The following NAP1L4 variants were observed in gnomAD, a reference collection of about 807,000 sequenced individuals.
NAP1L4 encodes nucleosome assembly protein 1-like 4.
Under a neutral mutation model 58.2 loss-of-function variants are expected in NAP1L4, and 15 were observed. The observed-to-expected ratio is 0.26, with a 90% CI of 0.17 to 0.40. NAP1L4 has a LOEUF of 0.40. Ranked by LOEUF, NAP1L4 falls within the 10% of genes least tolerant of loss-of-function variation. NAP1L4 has a pLI of 1.00. For missense variants in NAP1L4, 384 were observed against 451.1 expected, an observed-to-expected ratio of 0.85 and a Z score of 1.35; for synonymous variants, 171 against 155.6, an observed-to-expected ratio of 1.10 and a Z score of -0.74.
At chr11:2,985,775 A>C (rs1284495487) in intron 1 of NAP1L4, among the ~76,000 whole-genome samples, 1 of 152,236 alleles carries the variant, frequency 6.6e-6, no homozygotes, top group Non-Finnish European at 1.5e-5. Flanking sequence ...TAAGTTTTCT[A>C]AAGTTCAGGT....
chr11:2,954,791 G>C lies in NAP1L4; in HGVS notation c.916-145C>G, dbSNP rs1334900272. The stretch of plus-strand genomic sequence containing the variant: ...CTGCACTGCTGGGGGACAGCCACTA[G>C]ACACTCAAAGCCCCTTTAAAACAAC... On this transcript the variant is annotated intron_variant, in intron 11 of 15. Coordinates refer to ENST00000380542, the MANE Select transcript of NAP1L4 (RefSeq NM_005969.4). This position sits in a 1 kb window ranked among gnomAD's most constrained non-coding sequence, Gnocchi z 4.8. 2.9e-6 allele frequency: 3 copies of C among 1,024,684 alleles called. No individual in the cohort carries two copies. Among genetic ancestry groups the C allele is most frequent in the Non-Finnish European group, 4.4e-6 (3 of 678,874 alleles). The allele number at this position is 1,024,684 out of a possible 1,614,324, so 63.5% of individuals were successfully genotyped here. A position where few individuals can be genotyped will look rare whatever the true frequency, so the allele number is the denominator to read the frequency against.
intron 8 of NAP1L4, 187 bp from the exon 9 acceptor site, chr11:2,960,096 C>A: frequency 1.7e-6 from 1 of 589,970 alleles, no homozygotes; most frequent in Non-Finnish European, 3.0e-6. Flanking sequence ...GATGGACTGG[C>A]GGGAAATATC....
chr11:2,984,990 T>C (rs1007611064), intron 1 of NAP1L4, among the ~76,000 whole-genome samples: 3 of 152,244 alleles, frequency 2.0e-5, no homozygotes, highest in Non-Finnish European at 4.4e-5. Flanking sequence ...TGATCAGGTA[T>C]CTTGGGGATG....
At position 2,955,843 on chromosome 11, in the gene NAP1L4, C is replaced by T; in HGVS notation, c.893-77G>A. ...ATTTTAAAGCCCACACAGGAGGAAG[C>T]TGTGCTGGTAGATAAAATGTAACAT... is the stretch of plus-strand genomic sequence containing the variant. On this transcript the variant is annotated intron_variant, in intron 10 of 15. Transcript: ENST00000380542. This position sits in a 1 kb window ranked among gnomAD's most constrained non-coding sequence, Gnocchi z 4.2. 1 of 1,331,086 alleles carries T rather than the reference C, an allele frequency of 7.5e-7. No homozygotes were observed. The highest frequency in any genetic ancestry group is 1.1e-6 in the Non-Finnish European group (1 of 937,428). The allele number at this position is 1,331,086 out of a possible 1,614,324, so 82.5% of individuals were successfully genotyped here. A position where few individuals can be genotyped will look rare whatever the true frequency, so the allele number is the denominator to read the frequency against.
At chr11:2,952,770 A>C (rs1021694372) in intron 12 of NAP1L4, 1 of 152,300 alleles carries the variant, frequency 6.6e-6, no homozygotes, top group Admixed American at 6.5e-5. Flanking sequence ...GCCTATTCCA[A>C]GGCTCTAAGG....
intron 8 of NAP1L4, among the ~76,000 whole-genome samples, chr11:2,960,809 T>C (rs992298812): frequency 1.1e-4 from 16 of 152,326 alleles, no homozygotes; most frequent in Middle Eastern, 3.4e-3. Context: ...TGCAAAGACA[T>C]TGACCTCATC....
intron 15 of NAP1L4, among the ~76,000 whole-genome samples, chr11:2,947,007 G>A (rs1181378729): frequency 1.3e-5 from 2 of 152,146 alleles, no homozygotes; most frequent in African/African-American, 4.8e-5. Context: ...GCTGTGCAGG[G>A]ACGGGGAAGA....
At chr11:2,947,123 T>C (rs79922356) in intron 15 of NAP1L4, among the ~76,000 whole-genome samples, 2,588 of 152,276 alleles carry the variant, frequency 0.017, 79 homozygotes, top group African/African-American at 0.059. Context: ...CTACCACAGA[T>C]TGAGCATCCC....
intron 3 of NAP1L4, among the ~76,000 whole-genome samples, chr11:2,977,866 TAAAAA>T (rs34636304): frequency 2.2e-5 from 3 of 138,360 alleles, no homozygotes; most frequent in African/African-American, 8.0e-5. Flanking sequence ...GGTATAGACT[TAAAAA>T]AAAAAAAAAA....
At chr11:2,963,832 G>A in intron 8 of NAP1L4, 1 of 519,288 alleles carries the variant, frequency 1.9e-6, no homozygotes, top group Non-Finnish European at 3.8e-6. Flanking sequence ...CGCTGGAAAT[G>A]CTATTGCACC....
intron 8 of NAP1L4, chr11:2,963,910 T>C (rs767519420): frequency 1.9e-6 from 1 of 519,188 alleles, no homozygotes; most frequent in East Asian, 5.4e-5. Context: ...AGAACCAGGC[T>C]GGGATGAGAC....
intron 1 of NAP1L4, among the ~76,000 whole-genome samples, chr11:2,981,055 C>A (rs570697514): frequency 7.9e-4 from 120 of 151,666 alleles, no homozygotes; most frequent in African/African-American, 2.8e-3. Flanking sequence ...CATGGGGAAA[C>A]CTCGTCTCTA....
Position 2,945,400 on chromosome 11 carries a change from C to G in NAP1L4, c.*279G>C, listed in dbSNP as rs1338282796. On this transcript the variant is annotated 3_prime_UTR_variant, in exon 16 of 16. Coordinates refer to ENST00000380542, the MANE Select transcript of NAP1L4 (RefSeq NM_005969.4). ...CTGCAGAGGGTGCTGGACGAAACCT[C>G]CTATTTCTGAAATGCATTTCAGTTG... The G allele has an allele frequency of 1.8e-6, 1 of 567,524 alleles. No homozygotes were observed. Among genetic ancestry groups the G allele is most frequent in the East Asian group, 3.0e-5 (1 of 33,484 alleles). 35.2% of individuals were successfully genotyped at this position (567,524 alleles called of 1,614,324 possible). A position where few individuals can be genotyped will look rare whatever the true frequency, so the allele number is the denominator to read the frequency against.
intron 1 of NAP1L4, among the ~76,000 whole-genome samples, chr11:2,985,468 G>A (rs1210842505): frequency 6.6e-6 from 1 of 152,200 alleles, no homozygotes; most frequent in African/African-American, 2.4e-5. Context: ...GACTCATCCA[G>A]AAGGTTCTCT....
chr11:2,973,853 C>T (rs1397540777), intron 4 of NAP1L4, among the ~76,000 whole-genome samples: 1 of 152,108 alleles, frequency 6.6e-6, no homozygotes, highest in Non-Finnish European at 1.5e-5. Flanking sequence ...ACTGTAGCCT[C>T]AACTTTCTGG....
Position 2,955,873 on chromosome 11 carries a change from C to A in NAP1L4, c.893-107G>T. 2.0e-6 allele frequency: 2 copies of A among 1,019,550 alleles called. No individual in the cohort carries two copies. Among genetic ancestry groups the A allele is most frequent in the South Asian group, 2.9e-5 (2 of 68,518 alleles). The allele number at this position is 1,019,550 out of a possible 1,614,324, so 63.2% of individuals were successfully genotyped here. A position where few individuals can be genotyped will look rare whatever the true frequency, so the allele number is the denominator to read the frequency against. ...CTGGTAGATAAAATGTAACATTTCT[C>A]ACCTCGAGGTTTAACAGAAATCCCC... On this transcript the variant is annotated intron_variant, in intron 10 of 15. Transcript: ENST00000380542. This position sits in a 1 kb window ranked among gnomAD's most constrained non-coding sequence, Gnocchi z 4.2.
At chr11:2,962,643 T>C (rs1846996645) in intron 8 of NAP1L4, among the ~76,000 whole-genome samples, 1 of 151,966 alleles carries the variant, frequency 6.6e-6, no homozygotes, top group Non-Finnish European at 1.5e-5. Context: ...TTTCTACATA[T>C]GACTTTTATA....
chr11:2,952,544 G>A (rs541922950), intron 12 of NAP1L4: 1 of 152,444 alleles, frequency 6.6e-6, no homozygotes, highest in Admixed American at 6.5e-5. Context: ...TTTGCTTAGA[G>A]CCAACTTCGG....
Position 2,946,782 on chromosome 11 carries a change from C to A in NAP1L4, c.*33-1136G>T, listed in dbSNP as rs1003977863. On this transcript the variant is annotated intron_variant, in intron 15 of 15. Transcript: ENST00000380542. The surrounding 1 kb of genome is among the most constrained non-coding windows in gnomAD (Gnocchi z 4.8). ...GGCTGCCCAAAGAGCCTGGCCAAGACAAAACGAGGCTGACCAAAAACCCTC... is the reference window on the plus strand; with the variant it reads ...GGCTGCCCAAAGAGCCTGGCCAAGAAAAAACGAGGCTGACCAAAAACCCTC... Among the ~76,000 whole-genome samples, 1 of 152,238 alleles carries A rather than the reference C, an allele frequency of 6.6e-6. No homozygotes were observed. The highest frequency in any genetic ancestry group is 2.4e-5 in the African/African-American group (1 of 41,472).
Sources: gnomAD v4.1 joint callset for allele counts (sites outside exome capture counted in the v4.1 genomes callset) on GRCh38, gnomAD v4.1.1 for gene constraint, Gnocchi (gnomAD v3.1) non-coding constraint, MANE v1.5 for transcripts, NCBI Gene and HGNC (gene_info 2026-07-23, HGNC 2026-07-21) for gene names.